KIDINS220: variants seen among roughly 807,000 people sequenced by gnomAD.
KIDINS220 encodes kinase D interacting substrate 220, also known as kinase D-interacting substrate of 220 kDa.
A neutral mutation model predicts 157.6 loss-of-function variants in KIDINS220; 63 were observed. The observed-to-expected ratio is 0.40, with a 90% CI of 0.33 to 0.49. KIDINS220 has a LOEUF of 0.49. Ranked by LOEUF, KIDINS220 falls within the 20% of genes least tolerant of loss-of-function variation. The pLI, the probability that KIDINS220 is intolerant of heterozygous loss-of-function variation, is 0.66. For missense variants in KIDINS220, 1,772 were observed against 2,171.2 expected, an observed-to-expected ratio of 0.82 and a Z score of 3.65; for synonymous variants, 732 against 783.6, an observed-to-expected ratio of 0.93 and a Z score of 1.10.
At chr2:8,809,962 C>T (rs1450601019) in intron 6 of KIDINS220, among the ~76,000 whole-genome samples, 2 of 152,146 alleles carry the variant, frequency 1.3e-5, no homozygotes, top group South Asian at 2.1e-4. Flanking sequence ...GGTAGCTCCA[C>T]CTGCAGCCCA....
At chr2:8,760,507 C>T (rs1449929561) in intron 22 of KIDINS220, among the ~76,000 whole-genome samples, 1 of 152,052 alleles carries the variant, frequency 6.6e-6, no homozygotes, top group Non-Finnish European at 1.5e-5. Context: ...TATTCCCAAT[C>T]AATCTTTCAA....
intron 22 of KIDINS220, among the ~76,000 whole-genome samples, chr2:8,767,498 C>T (rs1166869997): frequency 6.6e-6 from 1 of 152,104 alleles, no homozygotes; most frequent in Admixed American, 6.5e-5. Context: ...GCAACAACTT[C>T]CTCTAAACTA....
intron 22 of KIDINS220, among the ~76,000 whole-genome samples, chr2:8,759,853 G>A (rs889915317): frequency 1.3e-5 from 2 of 152,136 alleles, no homozygotes; most frequent in African/African-American, 4.8e-5. Flanking sequence ...CTCTGAGGCA[G>A]GTGCTTTACC....
chr2:8,730,786 C>T lies in KIDINS220; in HGVS notation c.5250G>A (p.Pro1750=), dbSNP rs775392168. The change falls in exon 30 of 30, where the codon CCG becomes CCA. Residue 1750 remains proline (P), a synonymous_variant. Coordinates refer to ENST00000256707, the MANE Select transcript of KIDINS220 (RefSeq NM_020738.4). ...SSYTRLSKDP[P]ELHAAASSES... is the part of the protein sequence containing the mutation. ...CAGAAGAGGCTGCTGCATGGAGCTC[C>T]GGAGGATCTTTGGAGAGCCTTGTGT... The T allele has an allele frequency of 4.0e-5, 64 of 1,614,100 alleles. No homozygotes were observed. The East Asian group carries it at 8.2e-4, about 21-fold the overall frequency.
chr2:8,789,605 A>G (rs1489340628), intron 14 of KIDINS220, among the ~76,000 whole-genome samples: 1 of 152,162 alleles, frequency 6.6e-6, no homozygotes, highest in African/African-American at 2.4e-5. Flanking sequence ...AAAGATTTAA[A>G]TATAAATCAT....
intron 22 of KIDINS220, chr2:8,757,928 T>A: frequency 1.4e-6 from 1 of 714,654 alleles, no homozygotes; most frequent in Non-Finnish European, 2.4e-6. Flanking sequence ...AGTGGTGCAA[T>A]CTCGGCTCAC....
At chr2:8,806,805 T>A (rs1271700850) in intron 6 of KIDINS220, among the ~76,000 whole-genome samples, 2 of 152,184 alleles carry the variant, frequency 1.3e-5, no homozygotes, top group African/African-American at 4.8e-5. Context: ...GGTCTTGAAC[T>A]CCTGACCTCA....
chr2:8,767,387 T>C (rs1037251707), intron 22 of KIDINS220, among the ~76,000 whole-genome samples: 1 of 152,166 alleles, frequency 6.6e-6, no homozygotes, highest in Admixed American at 6.5e-5. Context: ...CAAAATAGCA[T>C]GCATTAAACA....
intron 26 of KIDINS220, among the ~76,000 whole-genome samples, chr2:8,743,235 G>A (rs991479063): frequency 4.6e-5 from 7 of 152,108 alleles, no homozygotes; most frequent in African/African-American, 9.7e-5. Flanking sequence ...AAAACAAACC[G>A]ATTAACAACT....
In KIDINS220 at chr2:8,779,124, A is replaced by C; in HGVS notation, c.2386T>G (p.Ser796Ala). 1 of 1,613,364 alleles carries C rather than the reference A, an allele frequency of 6.2e-7. No homozygotes were observed. The highest frequency in any genetic ancestry group is 8.5e-7 in the Non-Finnish European group (1 of 1,179,976). Residue 796 changes from serine to alanine, a missense_variant, in exon 19 of 30, where the codon TCA (serine) becomes GCA (alanine). Transcript: ENST00000256707. ...QMLDTVRVLF[S>A]KGPFIAIFAS... ...AAAATGGCAATGAACGGGCCTTTTG[A>C]AAACAGAACTCGGACCTGTGGCAGA...
rs374611448 is a variant in KIDINS220, at chr2:8,779,113, C to T, written c.2397G>A (p.Pro799=). The T allele has an allele frequency of 8.7e-6, 14 of 1,613,454 alleles. No individual in the cohort carries two copies. In the East Asian group the frequency reaches 1.1e-4, roughly 13 times the overall value. Residue 799 remains proline, a synonymous_variant, in exon 19 of 30, where the codon CCG becomes CCA. Transcript: ENST00000256707. The stretch of plus-strand genomic sequence containing the variant: ...GATCACTTGCAAAAATGGCAATGAA[C>T]GGGCCTTTTGAAAACAGAACTCGGA... ...DTVRVLFSKG[P]FIAIFASDPH...
intron 14 of KIDINS220, 117 bp downstream of exon 14, chr2:8,789,763 C>A: frequency 1.2e-6 from 1 of 813,208 alleles, no homozygotes. Flanking sequence ...AATTTTCTCA[C>A]CCAATTATGA....
intron 22 of KIDINS220, among the ~76,000 whole-genome samples, chr2:8,756,544 C>T (rs767041010): frequency 1.3e-4 from 20 of 152,158 alleles, no homozygotes; most frequent in Non-Finnish European, 1.9e-4. Context: ...GGCTGGGTGG[C>T]TTAAATAGCA....
rs535392844 is a variant in KIDINS220, at chr2:8,813,091, CTG to C, written c.405+144_405+145del. ...TAGCTTTAGAAAAAAATTATCATTA[CTG>C]TGTTTTGAAATCATATTCTATGTTA... On this transcript the variant is annotated intron_variant, in intron 5 of 29. Coordinates refer to ENST00000256707, the MANE Select transcript of KIDINS220 (RefSeq NM_020738.4). 94 of 528,928 alleles carry C rather than the reference CTG, an allele frequency of 1.8e-4. No individual in the cohort carries two copies. The South Asian group carries it at 2.7e-3, about 15-fold the overall frequency. 32.8% of individuals were successfully genotyped at this position (528,928 alleles called of 1,614,324 possible). A position where few individuals can be genotyped will look rare whatever the true frequency, so the allele number is the denominator to read the frequency against.
chr2:8,792,639 T>TA (rs1305761340), intron 12 of KIDINS220, among the ~76,000 whole-genome samples: 1 of 152,226 alleles, frequency 6.6e-6, no homozygotes, highest in Non-Finnish European at 1.5e-5. Flanking sequence ...TACCCAGTGC[T>TA]AGCAAGCTTG....
intron 4 of KIDINS220, 102 bp downstream of exon 4, chr2:8,817,516 T>C: frequency 1.5e-6 from 1 of 674,024 alleles, no homozygotes; most frequent in South Asian, 3.6e-5. Context: ...TCTAAAAACA[T>C]TATTATAATA....
At chr2:8,757,448 T>C (rs1451975716) in intron 22 of KIDINS220, 4 of 1,323,232 alleles carry the variant, frequency 3.0e-6, no homozygotes, top group Non-Finnish European at 1.9e-6. Context: ...AGAAGCACAC[T>C]TGATTGTTTC....
In KIDINS220 at chr2:8,730,633, G is replaced by C. The variant is rs1281805636; in HGVS notation, c.*87C>G. The C allele has an allele frequency of 6.7e-7, 1 of 1,492,942 alleles. No homozygotes were observed. Among genetic ancestry groups the C allele is most frequent in the Non-Finnish European group, 8.9e-7 (1 of 1,129,616 alleles). 92.5% of individuals were successfully genotyped at this position (1,492,942 alleles called of 1,614,324 possible). A position where few individuals can be genotyped will look rare whatever the true frequency, so the allele number is the denominator to read the frequency against. The stretch of plus-strand genomic sequence containing the variant: ...GTTAGTTATCTGTCAGCAAAATGTA[G>C]AAAGGTGATGGGCGTGGATGGAGTC... On this transcript the variant is annotated 3_prime_UTR_variant, in exon 30 of 30. Coordinates refer to ENST00000256707, the MANE Select transcript of KIDINS220 (RefSeq NM_020738.4).
chr2:8,775,175 AG>A (rs1670797361), intron 21 of KIDINS220, among the ~76,000 whole-genome samples: 1 of 152,240 alleles, frequency 6.6e-6, no homozygotes, highest in South Asian at 2.1e-4. Flanking sequence ...TTTGAGTCAG[AG>A]AATCAAACAT....
Sources: gnomAD v4.1 joint callset for allele counts (sites outside exome capture counted in the v4.1 genomes callset) on GRCh38, gnomAD v4.1.1 for gene constraint, MANE v1.5 for transcripts, NCBI Gene and HGNC (gene_info 2026-07-23, HGNC 2026-07-21) for gene names.